The following MIDEAS variants were observed in gnomAD, a reference collection of about 807,000 sequenced individuals.
The protein encoded by MIDEAS is mitotic deacetylase-associated SANT domain protein.
In MIDEAS, 26 loss-of-function variants were observed where a neutral mutation model predicts 102.7. The observed-to-expected ratio is 0.25, with a 90% CI of 0.19 to 0.35. The LOEUF (loss-of-function observed/expected upper bound fraction) is 0.35. Ranked by LOEUF, MIDEAS falls within the 10% of genes least tolerant of loss-of-function variation. The pLI, the probability that MIDEAS is intolerant of heterozygous loss-of-function variation, is 1.00. For synonymous variants in MIDEAS, 585 were observed against 591.0 expected (o/e 0.99, Z 0.15); for missense variants, 1,231 against 1,435.6 (o/e 0.86, Z 2.30).
intron 3 of MIDEAS, among the ~76,000 whole-genome samples, chr14:73,732,870 C>T (rs1362201202): frequency 3.3e-5 from 5 of 149,846 alleles, no homozygotes; most frequent in Non-Finnish European, 1.5e-5. Flanking sequence ...GCAGGTGGAT[C>T]GCCTGAGGTC....
At chr14:73,757,746 T>C (rs1455037406) in intron 1 of MIDEAS, among the ~76,000 whole-genome samples, 1 of 152,228 alleles carries the variant, frequency 6.6e-6, no homozygotes, top group Non-Finnish European at 1.5e-5. Flanking sequence ...AGCCTTTCTC[T>C]GGGGACTCTA....
At chr14:73,781,317 G>T (rs1566612643) in intron 1 of MIDEAS, among the ~76,000 whole-genome samples, 1 of 152,130 alleles carries the variant, frequency 6.6e-6, no homozygotes, top group Non-Finnish European at 1.5e-5. Flanking sequence ...TCTAAAAGTT[G>T]ATTATTTTGT....
In MIDEAS at chr14:73,748,041, G is replaced by A. The variant is rs118030064; in HGVS notation, c.-247-7786C>T. 1.3e-3 allele frequency among the ~76,000 whole-genome samples: 201 copies of A among 152,264 alleles called. 2 individuals carry two copies. The East Asian group carries it at 0.024, about 18-fold the overall frequency. ...CTAAGTCCATTGCAGGCAGCATTTT[G>A]TTTAACCCTTACTGTTCTGTGTCTC... is the stretch of plus-strand genomic sequence containing the variant. On this transcript the variant is annotated intron_variant, in intron 1 of 12. Coordinates refer to ENST00000423556, the MANE Select transcript of MIDEAS (RefSeq NM_001367710.1).
At chr14:73,780,125 C>T (rs553568376) in intron 1 of MIDEAS, among the ~76,000 whole-genome samples, 27 of 151,760 alleles carry the variant, frequency 1.8e-4, no homozygotes, top group Admixed American at 3.3e-4. Flanking sequence ...CCACCAGCCT[C>T]GGCCTCCCAA....
In MIDEAS at chr14:73,736,898, T is replaced by C. The variant is rs1373785722; in HGVS notation, c.1749+100A>G. The C allele has an allele frequency of 4.8e-6, 6 of 1,254,106 alleles. No individual in the cohort carries two copies. The African/African-American group carries it at 5.9e-5, about 12-fold the overall frequency. 77.7% of individuals were successfully genotyped at this position (1,254,106 alleles called of 1,614,324 possible). A position where few individuals can be genotyped will look rare whatever the true frequency, so the allele number is the denominator to read the frequency against. Reference sequence around the variant, plus strand: ...AAAAATAGTATCTCCACAGGTTCCCTGATACCTTCCTACATTGCCATGTTC... The same window carrying C: ...AAAAATAGTATCTCCACAGGTTCCCCGATACCTTCCTACATTGCCATGTTC... On this transcript the variant is annotated intron_variant, in intron 3 of 12. Transcript: ENST00000423556.
At position 73,739,044 on chromosome 14, in the gene MIDEAS, C is replaced by T. The variant is rs771853802; in HGVS notation, c.965G>A (p.Arg322His). The change falls in exon 2 of 13, where the codon CGC becomes CAC. Residue 322 changes from arginine (R) to histidine (H), a missense_variant. This residue lies in a region of MIDEAS where 758 missense variants were observed against 856.0 expected (regional missense o/e 0.89). Coordinates refer to ENST00000423556, the MANE Select transcript of MIDEAS (RefSeq NM_001367710.1). ...GGCTGAGTCCTGCAGAAGGGCCTTG[C>T]GCAGTTCTGGGTTCATATCTGGGTT... is the stretch of plus-strand genomic sequence containing the variant. ...PPNPDMNPEL[R>H]KALLQDSAPQ... 8.3e-6 allele frequency: 13 copies of T among 1,557,126 alleles called. No homozygotes were observed. Among genetic ancestry groups the T allele is most frequent in the East Asian group, 2.3e-5 (1 of 44,350 alleles).
chr14:73,752,287 T>C (rs1375231560), intron 1 of MIDEAS, among the ~76,000 whole-genome samples: 1 of 152,122 alleles, frequency 6.6e-6, no homozygotes, highest in African/African-American at 2.4e-5. Context: ...TGAGCAGAGC[T>C]ATAGTGACGG....
At position 73,739,276 on chromosome 14, in the gene MIDEAS, G is replaced by A. The variant is rs1185152454; in HGVS notation, c.733C>T (p.Pro245Ser). ...PPPNPVAAFP[P>S]QKQQQQQQPQ... ...TGCTGCTGCTGCTGCTGCTTCTGTG[G>A]AGGGAAGGCAGCCACCGGGTTTGGG... is the stretch of plus-strand genomic sequence containing the variant. The change falls in exon 2 of 13, where the codon CCA becomes TCA. Residue 245 changes from proline (P) to serine (S), a missense_variant. Pro to Ser is a moderately conservative substitution (Grantham distance 74, BLOSUM62 -1). Coordinates refer to ENST00000423556, the MANE Select transcript of MIDEAS (RefSeq NM_001367710.1). 5.6e-6 allele frequency: 9 copies of A among 1,612,126 alleles called. No individual in the cohort carries two copies. The highest frequency in any genetic ancestry group is 7.6e-6 in the Non-Finnish European group (9 of 1,179,942).
rs1361978773 is a variant in MIDEAS at position 73,729,806 on chromosome 14, G to A, written c.1929C>T (p.His643=). ...GTAGCTCAAAGCTCCGCTCAGAGGG[G>A]TGGTCAGCTAGGCGCACGGGAGAGC... ...HLRSPVRLAD[H]PSERSFELPP... is the part of the protein sequence containing the mutation. The change falls in exon 4 of 13, where the codon CAC becomes CAT. Residue 643 remains histidine, a synonymous_variant. Transcript: ENST00000423556. The A allele has an allele frequency of 6.8e-6, 11 of 1,613,484 alleles. No individual in the cohort carries two copies. Among genetic ancestry groups the A allele is most frequent in the African/African-American group, 1.3e-5 (1 of 74,744 alleles).
chr14:73,727,114 C>G, intron 5 of MIDEAS, 142 bp from the exon 6 acceptor site: 2 of 1,068,702 alleles, frequency 1.9e-6, no homozygotes, highest in Non-Finnish European at 2.6e-6. Flanking sequence ...CTTCTAGGGG[C>G]TTGGGAGGAC....
chr14:73,737,213 C>T lies in MIDEAS; in HGVS notation c.1534G>A (p.Ala512Thr). 1 of 1,614,152 alleles carries T rather than the reference C, an allele frequency of 6.2e-7. No individual in the cohort carries two copies. The highest frequency in any genetic ancestry group is 1.1e-5 in the South Asian group (1 of 91,086). ...CGVEFSEPSL[A>T]TKRAREDSGM... ...CTGTCTTCTCGTGCTCGCTTGGTGG[C>T]TAAGGAAGGCTCAGAAAACTCCACC... is the stretch of plus-strand genomic sequence containing the variant. The change falls in exon 3 of 13, where the codon GCC becomes ACC. Residue 512 changes from alanine (A) to threonine (T), a missense_variant. By Grantham distance (58) the Ala-to-Thr change is moderately conservative (BLOSUM62 0). Around this residue, in one of 5 missense-constraint regions of MIDEAS, gnomAD observed 758 missense variants for 856.0 expected, o/e 0.89. Transcript: ENST00000423556.
At chr14:73,764,177 C>T (rs2053574593), upstream of MIDEAS, among the ~76,000 whole-genome samples, 1 of 151,392 alleles carries the variant, frequency 6.6e-6, no homozygotes, top group African/African-American at 2.4e-5. Context: ...CTGTCTCCAC[C>T]AAAAATACAA....
intron 1 of MIDEAS, among the ~76,000 whole-genome samples, chr14:73,757,874 A>G (rs11844552): frequency 0.052 from 7,973 of 152,296 alleles, 389 homozygotes; most frequent in African/African-American, 0.13. Context: ...TCCCACATGT[A>G]AAAATTAAAT....
chr14:73,731,099 T>C (rs2140109615), intron 3 of MIDEAS, among the ~76,000 whole-genome samples: 1 of 152,382 alleles, frequency 6.6e-6, no homozygotes, highest in South Asian at 2.1e-4. Flanking sequence ...TTCTCCCTGC[T>C]AGGTACGCCT....
At chr14:73,769,902 G>GTTTTTTTTTTT (rs796246766) in intron 1 of MIDEAS, among the ~76,000 whole-genome samples, 1 of 109,810 alleles carries the variant, frequency 9.1e-6, no homozygotes. Context: ...GCCCGGCTGG[G>GTTTTTTTTTTT]TTTTTTTTTT....
chr14:73,760,288 A>G lies in MIDEAS; in HGVS notation c.-773T>C, dbSNP rs1414358392. 6.6e-6 allele frequency: 1 copy of G among 152,272 alleles called. No individual in the cohort carries two copies. Among genetic ancestry groups the G allele is most frequent in the African/African-American group, 2.4e-5 (1 of 41,438 alleles). The allele number at this position is 152,272 out of a possible 1,614,324, so 9.4% of individuals were successfully genotyped here. ...ACCGCGGCGAGCAGGAACCAGCTCTACCACTTCATCAGCACAACTGTCTCG... is the reference window on the plus strand; with the variant it reads ...ACCGCGGCGAGCAGGAACCAGCTCTGCCACTTCATCAGCACAACTGTCTCG... On this transcript the variant is annotated 5_prime_UTR_variant, in exon 1 of 13. An upstream open reading frame in the 5' UTR loses its in-frame stop. Transcript: ENST00000423556. This position sits in a 1 kb window ranked among gnomAD's most constrained non-coding sequence, Gnocchi z 4.8.
intron 3 of MIDEAS, 39 bp from the exon 4 acceptor site, chr14:73,730,024 G>A (rs572259652): frequency 6.5e-5 from 103 of 1,590,038 alleles, no homozygotes; most frequent in Admixed American, 1.5e-4. Flanking sequence ...TCAGCCCCCC[G>A]TGTCCCAGAG....
Position 73,739,662 on chromosome 14 carries a change from A to G in MIDEAS, c.347T>C (p.Val116Ala). ...RGPERGGGGG[V>A]SDSSWQQQPG... The stretch of plus-strand genomic sequence containing the variant: ...CTGCTGCTGCCAGCTGCTGTCACTG[A>G]CACCCCCACCTCCTCCACGCTCCGG... Residue 116 changes from valine (V) to alanine (A), a missense_variant, in exon 2 of 13, where the codon GTC (valine) becomes GCC (alanine). Around this residue, in one of 5 missense-constraint regions of MIDEAS, gnomAD observed 758 missense variants for 856.0 expected, o/e 0.89. Transcript: ENST00000423556. The G allele has an allele frequency of 1.2e-6, 2 of 1,613,676 alleles. No individual in the cohort carries two copies. Among genetic ancestry groups the G allele is most frequent in the African/African-American group, 1.3e-5 (1 of 74,976 alleles).
intron 1 of MIDEAS, among the ~76,000 whole-genome samples, chr14:73,771,374 G>C (rs2053640926): frequency 6.6e-6 from 1 of 152,190 alleles, no homozygotes. Context: ...GGTACGCCGG[G>C]GGCTCTCCAG....
Sources: gnomAD v4.1 joint callset for allele counts (sites outside exome capture counted in the v4.1 genomes callset) on GRCh38, gnomAD v4.1.1 for gene constraint, gnomAD v4.1.1 regional missense constraint, Gnocchi (gnomAD v3.1) non-coding constraint, MANE v1.5 for transcripts, NCBI Gene and HGNC (gene_info 2026-07-23, HGNC 2026-07-21) for gene names.